Variants in PIWIL4 observed in about 807,000 individuals in gnomAD.
The protein encoded by PIWIL4 is piwi-like protein 4.
Under a neutral mutation model 100.9 loss-of-function variants are expected in PIWIL4, and 50 were observed. That is an observed-to-expected ratio of 0.50 (90% confidence interval 0.39 to 0.63). The LOEUF is 0.63. Ranked by LOEUF, PIWIL4 falls within the 20% of genes least tolerant of loss-of-function variation. The pLI is 0.00. For synonymous variants in PIWIL4, 342 were observed against 367.5 expected (o/e 0.93, Z 0.79); for missense variants, 887 against 1,043.3 (o/e 0.85, Z 2.06).
intron 8 of PIWIL4, among the ~76,000 whole-genome samples, chr11:94,591,172 C>T (rs1473909472): frequency 6.6e-6 from 1 of 152,076 alleles, no homozygotes; most frequent in South Asian, 2.1e-4. Context: ...TAGTTTGGCC[C>T]CCTCTTTCTT....
chr11:94,567,642 T>C (rs1483329067), intron 1 of PIWIL4, 37 bp downstream of exon 1: 3 of 1,544,970 alleles, frequency 1.9e-6, no homozygotes, highest in African/African-American at 2.7e-5. Flanking sequence ...TTTCGTTTTC[T>C]CCTACCTCTG....
Position 94,618,209 on chromosome 11 carries a change from A to G in PIWIL4, c.2168+102A>G. 7 of 1,233,340 alleles carry G rather than the reference A, an allele frequency of 5.7e-6. No homozygotes were observed. The South Asian group carries it at 1.1e-4, about 19-fold the overall frequency. 76.4% of individuals were successfully genotyped at this position (1,233,340 alleles called of 1,614,324 possible). On this transcript the variant is annotated intron_variant, in intron 17 of 19. Coordinates refer to ENST00000299001, the MANE Select transcript of PIWIL4 (RefSeq NM_152431.3). Reference sequence around the variant, plus strand: ...AAGCATAAGTTTTGTTTTTTATGCAATTAAGTTTTGCTGTGTTTCTGTATC... The same window carrying G: ...AAGCATAAGTTTTGTTTTTTATGCAGTTAAGTTTTGCTGTGTTTCTGTATC...
At chr11:94,618,682 G>C (rs773871120) in intron 17 of PIWIL4, among the ~76,000 whole-genome samples, 5 of 152,220 alleles carry the variant, frequency 3.3e-5, no homozygotes, top group Non-Finnish European at 5.9e-5. Flanking sequence ...GCAAGTTCAA[G>C]AAAATGTTGG....
chr11:94,574,149 T>C (rs546707333), intron 2 of PIWIL4, among the ~76,000 whole-genome samples: 2 of 152,224 alleles, frequency 1.3e-5, no homozygotes, highest in South Asian at 4.1e-4. Flanking sequence ...AAAATACTCA[T>C]TTGGAAACAG....
intron 4 of PIWIL4, among the ~76,000 whole-genome samples, chr11:94,578,608 A>G (rs1435092308): frequency 6.6e-6 from 1 of 152,188 alleles, no homozygotes; most frequent in Admixed American, 6.5e-5. Context: ...TTCATTATAC[A>G]TCAATGATTT....
rs1370901281 is a variant in PIWIL4 at position 94,589,111 on chromosome 11, T to C, written c.915-10T>C. ...TAAAAAACAATTTAAAGACTTTTTA[T>C]ATTTGGCAGATACAATAACAGAACC... On this transcript the variant is annotated splice_polypyrimidine_tract_variant and intron_variant, in intron 7 of 19. Coordinates refer to ENST00000299001, the MANE Select transcript of PIWIL4 (RefSeq NM_152431.3). 1.3e-6 allele frequency: 2 copies of C among 1,577,772 alleles called. No homozygotes were observed. Among genetic ancestry groups the C allele is most frequent in the African/African-American group, 2.7e-5 (2 of 74,092 alleles).
At chr11:94,569,578 A>T (rs1191416489) in intron 2 of PIWIL4, among the ~76,000 whole-genome samples, 1 of 152,156 alleles carries the variant, frequency 6.6e-6, no homozygotes, top group African/African-American at 2.4e-5. Flanking sequence ...GGGTTTCTCC[A>T]TGTTGGTCAG....
At position 94,587,244 on chromosome 11, in the gene PIWIL4, C is replaced by A; in HGVS notation, c.911C>A (p.Thr304Lys). The A allele has an allele frequency of 6.2e-7, 1 of 1,613,336 alleles. No individual in the cohort carries two copies. The highest frequency in any genetic ancestry group is 1.1e-5 in the South Asian group (1 of 90,924). The change falls in exon 7 of 20, where the codon ACA becomes AAA. Residue 304 changes from threonine to lysine, a missense_variant. Thr to Lys is a moderately conservative substitution (Grantham distance 78). This residue lies in a region of PIWIL4 where 741 missense variants were observed against 930.0 expected (regional missense o/e 0.80). Transcript: ENST00000299001. ...EKQLIGLIVL[T>K]RYNNRTYSID... ...CAGCTAATAGGGCTCATTGTCCTTA[C>A]AAGGTACAAGCCTGCGTCTAAATAA...
Position 94,574,995 on chromosome 11 carries a change from T to C in PIWIL4, c.167-4T>C, listed in dbSNP as rs763057538. The C allele has an allele frequency of 6.2e-7, 1 of 1,611,698 alleles. No individual in the cohort carries two copies. Among genetic ancestry groups the C allele is most frequent in the South Asian group, 1.1e-5 (1 of 90,850 alleles). On this transcript the variant is annotated splice_region_variant and splice_polypyrimidine_tract_variant and intron_variant, in intron 2 of 19. Transcript: ENST00000299001. The stretch of plus-strand genomic sequence containing the variant: ...GCTGTTACCACATTCTCTTCATGTT[T>C]TAGATAAATATGGGATATCTTCTGG...
At chr11:94,600,423 C>G (rs1020074167) in intron 11 of PIWIL4, among the ~76,000 whole-genome samples, 1 of 151,472 alleles carries the variant, frequency 6.6e-6, no homozygotes, top group Non-Finnish European at 1.5e-5. Context: ...TGATGCCCCA[C>G]AAGCCGTAAA....
intron 9 of PIWIL4, 135 bp from the exon 10 acceptor site, chr11:94,595,174 T>A: frequency 1.6e-6 from 1 of 640,004 alleles, no homozygotes; most frequent in South Asian, 2.5e-5. Context: ...TAAAATGACA[T>A]ACGTGGTTTT....
intron 8 of PIWIL4, among the ~76,000 whole-genome samples, chr11:94,590,726 C>T (rs756408668): frequency 2.6e-5 from 4 of 152,164 alleles, no homozygotes; most frequent in Non-Finnish European, 4.4e-5. Flanking sequence ...GTCACCAAGA[C>T]GAGTTCTGTA....
At chr11:94,581,873 A>G (rs563464783) in intron 4 of PIWIL4, among the ~76,000 whole-genome samples, 1 of 152,350 alleles carries the variant, frequency 6.6e-6, no homozygotes, top group African/African-American at 2.4e-5. Flanking sequence ...GCAGAAGACC[A>G]GGGTCCATCC....
At position 94,571,449 on chromosome 11, in the gene PIWIL4, C is replaced by T. The variant is rs1014044954; in HGVS notation, c.166+2641C>T. On this transcript the variant is annotated intron_variant, in intron 2 of 19. Transcript: ENST00000299001. Reference sequence around the variant, plus strand: ...ATCCCTGCCCCCTTCACCCACCCCACGACAGGCCCTGGTGTGTGATGTTCC... The same window carrying T: ...ATCCCTGCCCCCTTCACCCACCCCATGACAGGCCCTGGTGTGTGATGTTCC... Among the ~76,000 whole-genome samples, 8 of 152,098 alleles carry T rather than the reference C, an allele frequency of 5.3e-5. No homozygotes were observed. In the East Asian group the frequency reaches 9.7e-4, roughly 18 times the overall value.
chr11:94,606,932 T>C (rs1389474932), intron 13 of PIWIL4, among the ~76,000 whole-genome samples: 1 of 152,186 alleles, frequency 6.6e-6, no homozygotes, highest in East Asian at 1.9e-4. Flanking sequence ...AAGTGTATTT[T>C]TGTGTCCTTT....
Position 94,601,842 on chromosome 11 carries a change from C to G in PIWIL4, c.1428C>G (p.Cys476Trp), listed in dbSNP as rs1948646181. Reference protein sequence around the residue: ...AADWSKDIRTCKILNAQSLNT... With the variant: ...AADWSKDIRTWKILNAQSLNT... ...ACTGGTCCAAGGATATTCGAACTTG[C>G]AAGATTTTAAATGCACAGTCTTTGA... Residue 476 changes from cysteine to tryptophan, a missense_variant, in exon 12 of 20, where the codon TGC becomes TGG. Transcript: ENST00000299001. The G allele has an allele frequency of 1.2e-6, 2 of 1,614,024 alleles. No individual in the cohort carries two copies. Among genetic ancestry groups the G allele is most frequent in the Non-Finnish European group, 1.7e-6 (2 of 1,179,946 alleles).
chr11:94,567,617 G>A lies in PIWIL4; in HGVS notation c.87+12G>A. The stretch of plus-strand genomic sequence containing the variant: ...AAGCCTCGCCATTGGTGTGTAGAAT[G>A]CTTATTGCGCATGGTTTCGTTTTCT... On this transcript the variant is annotated intron_variant, in intron 1 of 19. Coordinates refer to ENST00000299001, the MANE Select transcript of PIWIL4 (RefSeq NM_152431.3). 6.3e-7 allele frequency: 1 copy of A among 1,584,802 alleles called. No individual in the cohort carries two copies. The highest frequency in any genetic ancestry group is 8.6e-7 in the Non-Finnish European group (1 of 1,162,950).
Position 94,586,975 on chromosome 11 carries a change from C to T in PIWIL4, c.717-75C>T. 6 of 1,265,976 alleles carry T rather than the reference C, an allele frequency of 4.7e-6. 1 individual carries two copies. The South Asian group carries it at 8.2e-5, about 17-fold the overall frequency. 78.4% of individuals were successfully genotyped at this position (1,265,976 alleles called of 1,614,324 possible). On this transcript the variant is annotated intron_variant, in intron 6 of 19. Coordinates refer to ENST00000299001, the MANE Select transcript of PIWIL4 (RefSeq NM_152431.3). ...GATCTCGAGAATTAGAACAGAAAAT[C>T]ACCATTTAAAAATCTTTATTGTGTT...
intron 9 of PIWIL4, 138 bp from the exon 10 acceptor site, chr11:94,595,171 A>G (rs1948539653): frequency 1.6e-6 from 1 of 614,830 alleles, no homozygotes; most frequent in South Asian, 2.8e-5. Flanking sequence ...ACTTAAAATG[A>G]CATACGTGGT....
Sources: allele counts gnomAD v4.1 joint callset (sites outside exome capture counted in the v4.1 genomes callset), GRCh38; gene constraint gnomAD v4.1.1; regional missense constraint gnomAD v4.1.1; transcripts MANE v1.5; gene names NCBI Gene and HGNC (gene_info 2026-07-23, HGNC 2026-07-21).